The following RABGAP1 variants were observed in gnomAD, a reference collection of about 807,000 sequenced individuals.
RABGAP1 encodes rab GTPase-activating protein 1.
Under a neutral mutation model 137.6 loss-of-function variants are expected in RABGAP1, and 23 were observed. The ratio of observed to expected loss-of-function variants is 0.17; its 90% CI spans 0.12 to 0.24. The LOEUF (loss-of-function observed/expected upper bound fraction) is 0.24, where lower values mean the gene tolerates loss of function less well. RABGAP1 is among the 10% of genes least tolerant of loss of function. RABGAP1 has a pLI of 1.00. For missense variants in RABGAP1, 906 were observed against 1,275.8 expected, an observed-to-expected ratio of 0.71 and a Z score of 4.42; for synonymous variants, 451 against 450.7, an observed-to-expected ratio of 1.00 and a Z score of -0.01.
At chr9:122,938,942 T>G (rs1833437259), upstream of RABGAP1, 1 of 152,216 alleles carries the variant, frequency 6.6e-6, no homozygotes. Context: ...CAAGAATCTT[T>G]TAATTTTTTT....
chr9:123,029,822 T>G (rs2032199497), intron 13 of RABGAP1: 1 of 423,958 alleles, frequency 2.4e-6, no homozygotes, highest in South Asian at 2.1e-5. Flanking sequence ...GTGAAGCTCA[T>G]TTTTACCAAA....
intron 13 of RABGAP1, among the ~76,000 whole-genome samples, chr9:123,040,370 C>G (rs1427535631): frequency 6.6e-6 from 1 of 152,152 alleles, no homozygotes; most frequent in Non-Finnish European, 1.5e-5. Flanking sequence ...GGAAGCCAAA[C>G]TGTATTCAGA....
intron 14 of RABGAP1, among the ~76,000 whole-genome samples, chr9:123,068,077 C>T (rs183664701): frequency 1.4e-4 from 21 of 152,178 alleles, no homozygotes; most frequent in Admixed American, 4.6e-4. Context: ...AGGCTGGGCG[C>T]GGTGGCTTAT....
At chr9:122,946,920 G>A (rs914129772) in intron 1 of RABGAP1, among the ~76,000 whole-genome samples, 2 of 152,040 alleles carry the variant, frequency 1.3e-5, no homozygotes, top group Non-Finnish European at 2.9e-5. Flanking sequence ...GATATAGTGG[G>A]GAGAGTATGA....
upstream of RABGAP1, chr9:122,938,477 G>C (rs1275538803): frequency 6.6e-6 from 1 of 152,052 alleles, no homozygotes; most frequent in Non-Finnish European, 1.5e-5. Context: ...AAAAAAAGTT[G>C]AGCATATTTG....
intron 13 of RABGAP1, chr9:123,035,351 A>T: frequency 6.2e-7 from 1 of 1,614,136 alleles, no homozygotes; most frequent in Non-Finnish European, 8.5e-7. Flanking sequence ...AGTGTATTTT[A>T]CATCCTCTGG....
chr9:123,055,152 A>G (rs573938025), intron 13 of RABGAP1, among the ~76,000 whole-genome samples: 11 of 152,132 alleles, frequency 7.2e-5, no homozygotes, highest in African/African-American at 1.7e-4. Flanking sequence ...TATTTATTCA[A>G]TCATTTATTT....
chr9:123,070,199 GAGA>G lies in RABGAP1; in HGVS notation c.1909-148_1909-146del. ...TTGTAAAGAAAAAGTTAAGATTGGA[GAGA>G]AGTATTGGCACCACTTACTGTCTGT... On this transcript the variant is annotated intron_variant, in intron 14 of 25. Transcript: ENST00000373647. The surrounding 1 kb of genome is among the most constrained non-coding windows in gnomAD (Gnocchi z 4.4). 1 of 1,361,472 alleles carries G rather than the reference GAGA, an allele frequency of 7.3e-7. No individual in the cohort carries two copies. Among genetic ancestry groups the G allele is most frequent in the South Asian group, 1.7e-5 (1 of 60,290 alleles). 84.3% of individuals were successfully genotyped at this position (1,361,472 alleles called of 1,614,324 possible). A position where few individuals can be genotyped will look rare whatever the true frequency, so the allele number is the denominator to read the frequency against.
At chr9:122,981,119 C>T (rs963455975) in intron 2 of RABGAP1, among the ~76,000 whole-genome samples, 1 of 152,006 alleles carries the variant, frequency 6.6e-6, no homozygotes, top group Non-Finnish European at 1.5e-5. Context: ...CTCACTGCAA[C>T]CTCTGCTCCC....
chr9:123,092,634 A>G (rs2035064408), intron 21 of RABGAP1, among the ~76,000 whole-genome samples: 1 of 78,310 alleles, frequency 1.3e-5, no homozygotes, highest in South Asian at 6.5e-4. Flanking sequence ...TCATAACCGT[A>G]TCAAAAACAT....
At chr9:122,962,035 A>T (rs1356417807) in intron 2 of RABGAP1, among the ~76,000 whole-genome samples, 1 of 152,222 alleles carries the variant, frequency 6.6e-6, no homozygotes, top group Non-Finnish European at 1.5e-5. Flanking sequence ...AATTATATAA[A>T]GTAATAATTG....
chr9:122,964,151 A>G (rs2131651854), intron 2 of RABGAP1, among the ~76,000 whole-genome samples: 1 of 152,318 alleles, frequency 6.6e-6, no homozygotes, highest in South Asian at 2.1e-4. Flanking sequence ...AATAAGAATT[A>G]ATATCTATTC....
intron 2 of RABGAP1, among the ~76,000 whole-genome samples, chr9:122,962,015 G>T (rs956596503): frequency 6.6e-6 from 1 of 151,962 alleles, no homozygotes; most frequent in Non-Finnish European, 1.5e-5. Context: ...TTCTTTAAAG[G>T]TATATATAAA....
chr9:123,100,958 C>T (rs374571058), intron 24 of RABGAP1, among the ~76,000 whole-genome samples: 9 of 152,084 alleles, frequency 5.9e-5, no homozygotes, highest in African/African-American at 1.9e-4. Context: ...CTCTGAAAGT[C>T]GGATGTTTTA....
At chr9:122,959,103 A>G (rs906854185) in intron 2 of RABGAP1, among the ~76,000 whole-genome samples, 9 of 152,286 alleles carry the variant, frequency 5.9e-5, no homozygotes, top group South Asian at 2.1e-4. Flanking sequence ...AGAGTGAATG[A>G]CAGGTGCTTT....
intron 1 of RABGAP1, among the ~76,000 whole-genome samples, chr9:122,952,286 TCTCGCTC>T (rs1834294727): frequency 1.3e-5 from 2 of 151,930 alleles, no homozygotes; most frequent in Admixed American, 1.3e-4. Flanking sequence ...TGAGACAGAG[TCTCGCTC>T]TGTCGCCCAG....
upstream of RABGAP1, chr9:122,937,936 A>C (rs1277343501): frequency 6.7e-6 from 1 of 150,028 alleles, no homozygotes; most frequent in African/African-American, 2.5e-5. Context: ...GTTGCAGTGC[A>C]CCCAGATTGC....
At chr9:123,015,760 G>A in intron 12 of RABGAP1, 124 bp downstream of exon 12, 2 of 594,132 alleles carry the variant, frequency 3.4e-6, no homozygotes, top group Non-Finnish European at 5.8e-6. Context: ...TGCATTCTGT[G>A]ATCTATTTTA....
chr9:122,952,416 G>C (rs1206723497), intron 1 of RABGAP1, among the ~76,000 whole-genome samples: 1 of 151,864 alleles, frequency 6.6e-6, no homozygotes, highest in Admixed American at 6.6e-5. Context: ...CTGCCCCCAT[G>C]CCTGGCTAAT....
Sources: allele counts gnomAD v4.1 joint callset (sites outside exome capture counted in the v4.1 genomes callset), GRCh38; gene constraint gnomAD v4.1.1; non-coding constraint Gnocchi (gnomAD v3.1); transcripts MANE v1.5; gene names NCBI Gene and HGNC (gene_info 2026-07-23, HGNC 2026-07-21).